The following RNF38 variants were observed in gnomAD, a reference collection of about 807,000 sequenced individuals.
The protein encoded by RNF38 is E3 ubiquitin-protein ligase RNF38.
RNF38 carries 15 observed loss-of-function variants against 67.2 expected under a neutral mutation model. The observed-to-expected ratio is 0.22, with a 90% CI of 0.15 to 0.34. RNF38 has a LOEUF of 0.34. Among genes scored for constraint, RNF38 ranks in the 10% least tolerant of loss-of-function variants. The probability of loss-of-function intolerance (pLI) is 1.00; values close to 1 mark genes in which losing one functional copy is unlikely to be tolerated. For synonymous variants in RNF38, 220 were observed against 218.8 expected (o/e 1.01, Z -0.05); for missense variants, 524 against 639.9 (o/e 0.82, Z 1.95).
rs1045489258 is a variant in RNF38, at chr9:36,426,085, T to C, written n.242-1402A>G. Among the ~76,000 whole-genome samples the C allele has an allele frequency of 5.4e-4, 82 of 152,224 alleles. 1 individual carries two copies. Among genetic ancestry groups the C allele is most frequent in the African/African-American group, 1.9e-3 (77 of 41,458 alleles). On this transcript the variant is annotated intron_variant and non_coding_transcript_variant, in intron 1 of 3. Transcript: ENST00000488058. ...TGTAAGTGAGGATCACCTGCTTATT[T>C]ACTATTACAGTAAGAGCTTACTGAT... is the stretch of plus-strand genomic sequence containing the variant.
chr9:36,416,215 GGAT>G, intron 2 of RNF38, among the ~76,000 whole-genome samples: 1 of 147,058 alleles, frequency 6.8e-6, no homozygotes, highest in Non-Finnish European at 1.5e-5. Context: ...GGAGATGGGA[GGAT>G]GGGGGATGGG....
At chr9:36,475,099 G>T (rs1403808412) in intron 1 of RNF38, among the ~76,000 whole-genome samples, 1 of 144,056 alleles carries the variant, frequency 6.9e-6, no homozygotes, top group Non-Finnish European at 1.5e-5. Context: ...TGAGCAGAGA[G>T]AGCACCATTT....
chr9:36,474,827 T>C (rs927336891), intron 1 of RNF38, among the ~76,000 whole-genome samples: 1 of 147,734 alleles, frequency 6.8e-6, no homozygotes, highest in Non-Finnish European at 1.5e-5. Context: ...GAAGTAACAA[T>C]CAAAGGAACA....
intron 1 of RNF38, among the ~76,000 whole-genome samples, chr9:36,484,229 A>G (rs536897907): frequency 7.2e-5 from 11 of 152,336 alleles, no homozygotes; most frequent in African/African-American, 2.2e-4. Flanking sequence ...AACTGCTGAC[A>G]CAGGTCCAAT....
At chr9:36,486,788 C>T (rs1177256750) in intron 1 of RNF38, among the ~76,000 whole-genome samples, 1 of 152,126 alleles carries the variant, frequency 6.6e-6, no homozygotes, top group Non-Finnish European at 1.5e-5. Context: ...CCTGCTCTTC[C>T]GTCCCACCCC....
At chr9:36,479,712 G>A (rs960821151) in intron 1 of RNF38, among the ~76,000 whole-genome samples, 39 of 151,866 alleles carry the variant, frequency 2.6e-4, no homozygotes, top group Admixed American at 2.1e-3. Context: ...GTATTGAGGT[G>A]GCAATAAAAA....
At position 36,357,879 on chromosome 9, in the gene RNF38, G is replaced by C. The variant is rs766937232; in HGVS notation, c.634C>G (p.Leu212Val). ...GCAGGGATGTGCTGGCCTGTGCAGA[G>C]TGGAATCCCATGTGGTGCCACTGTT... is the stretch of plus-strand genomic sequence containing the variant. ...VTTVAPHGIP[L>V]CTGQHIPACS... Residue 212 changes from leucine (L) to valine (V), a missense_variant, in exon 5 of 12, where the codon CTC becomes GTC. By Grantham distance (32) the Leu-to-Val change is conservative. Coordinates refer to ENST00000259605, the MANE Select transcript of RNF38 (RefSeq NM_022781.5). 2 of 1,614,038 alleles carry C rather than the reference G, an allele frequency of 1.2e-6. No homozygotes were observed. The highest frequency in any genetic ancestry group is 1.7e-6 in the Non-Finnish European group (2 of 1,179,942).
At chr9:36,395,851 G>T (rs1244036232) in intron 1 of RNF38, among the ~76,000 whole-genome samples, 4 of 152,284 alleles carry the variant, frequency 2.6e-5, no homozygotes, top group Admixed American at 1.3e-4. Context: ...ACACTTGCTT[G>T]AACTATGCAG....
At chr9:36,417,346 A>G (rs1299395892) in intron 2 of RNF38, among the ~76,000 whole-genome samples, 2 of 152,142 alleles carry the variant, frequency 1.3e-5, no homozygotes, top group Non-Finnish European at 2.9e-5. Flanking sequence ...GTCTCCACAC[A>G]CTGTTTTGTC....
At chr9:36,476,909 A>G (rs1029135223) in intron 1 of RNF38, among the ~76,000 whole-genome samples, 3 of 152,200 alleles carry the variant, frequency 2.0e-5, no homozygotes, top group Non-Finnish European at 4.4e-5. Context: ...TACAGTAGCC[A>G]TAGGTTTCCA....
At position 36,369,768 on chromosome 9, in the gene RNF38, G is replaced by C. The variant is rs1447366236; in HGVS notation, c.521C>G (p.Ala174Gly). 6.2e-7 allele frequency: 1 copy of C among 1,613,934 alleles called. No individual in the cohort carries two copies. The highest frequency in any genetic ancestry group is 8.5e-7 in the Non-Finnish European group (1 of 1,180,032). ...PNVSPRLLHPAAHPPQQNAVM... is the reference protein window; with the variant it reads ...PNVSPRLLHPGAHPPQQNAVM... ...TGCATTCTGCTGGGGTGGATGAGCAGCAGGATGTAGCAGACGGGGAGATAC... is the reference window on the plus strand; with the variant it reads ...TGCATTCTGCTGGGGTGGATGAGCACCAGGATGTAGCAGACGGGGAGATAC... The change falls in exon 4 of 12, where the codon GCT (alanine) becomes GGT (glycine). Residue 174 changes from alanine (A) to glycine (G), a missense_variant. By Grantham distance (60) the Ala-to-Gly change is moderately conservative (BLOSUM62 0). Around this residue, in one of 2 missense-constraint regions of RNF38, gnomAD observed 461 missense variants for 517.4 expected, o/e 0.89. Transcript: ENST00000259605.
chr9:36,479,530 G>A (rs1840199349), intron 1 of RNF38, among the ~76,000 whole-genome samples: 1 of 152,198 alleles, frequency 6.6e-6, no homozygotes, highest in Non-Finnish European at 1.5e-5. Flanking sequence ...AGACCAGGGA[G>A]CAGAAGGAAG....
At chr9:36,343,655 T>G (rs916568244) in intron 10 of RNF38, among the ~76,000 whole-genome samples, 14 of 151,858 alleles carry the variant, frequency 9.2e-5, no homozygotes, top group African/African-American at 3.4e-4. Context: ...AATCCCAAAG[T>G]GGAAACCCAA....
chr9:36,432,142 GT>G (rs72305311), intron 1 of RNF38, among the ~76,000 whole-genome samples: 3 of 148,180 alleles, frequency 2.0e-5, no homozygotes, highest in Non-Finnish European at 3.0e-5. Flanking sequence ...AGTTTTTTTT[GT>G]TTTTTTTTTG....
chr9:36,386,952 A>ACC (rs1836687087), intron 2 of RNF38, among the ~76,000 whole-genome samples: 1 of 152,094 alleles, frequency 6.6e-6, no homozygotes, highest in African/African-American at 2.4e-5. Flanking sequence ...ACAGGTGCGC[A>ACC]CCACCACGCC....
At chr9:36,455,156 C>A (rs1587168287) in intron 1 of RNF38, among the ~76,000 whole-genome samples, 1 of 151,758 alleles carries the variant, frequency 6.6e-6, no homozygotes, top group Non-Finnish European at 1.5e-5. Flanking sequence ...GCCTCCCAGG[C>A]TCAAGTGATT....
chr9:36,416,049 T>C (rs963383685), intron 2 of RNF38, among the ~76,000 whole-genome samples: 3 of 151,652 alleles, frequency 2.0e-5, no homozygotes, highest in Non-Finnish European at 4.4e-5. Context: ...TATCAGGTGA[T>C]GGGTGGCACC....
chr9:36,399,296 T>C (rs898730673), intron 1 of RNF38, among the ~76,000 whole-genome samples: 4 of 152,108 alleles, frequency 2.6e-5, no homozygotes, highest in African/African-American at 7.2e-5. Flanking sequence ...CAACTTTTTT[T>C]ATATTTTACA....
At chr9:36,392,905 A>G (rs568060939) in intron 1 of RNF38, among the ~76,000 whole-genome samples, 10 of 152,244 alleles carry the variant, frequency 6.6e-5, no homozygotes, top group Non-Finnish European at 1.2e-4. Flanking sequence ...GGGAAAAATT[A>G]GGAGTAAGAG....
Sources: gnomAD v4.1 joint callset for allele counts (sites outside exome capture counted in the v4.1 genomes callset) on GRCh38, gnomAD v4.1.1 for gene constraint, gnomAD v4.1.1 regional missense constraint, MANE v1.5 for transcripts, NCBI Gene and HGNC (gene_info 2026-07-23, HGNC 2026-07-21) for gene names.